The following ATXN1 variants were observed in gnomAD, a reference collection of about 807,000 sequenced individuals.
ATXN1 encodes the protein ataxin 1.
ATXN1 carries 8 observed loss-of-function variants against 56.4 expected under a neutral mutation model. The observed-to-expected ratio is 0.14, with a 90% CI of 0.08 to 0.26. The LOEUF is 0.26. Among genes scored for constraint, ATXN1 ranks in the 10% least tolerant of loss-of-function variants. The pLI, the probability that ATXN1 is intolerant of heterozygous loss-of-function variation, is 1.00. For synonymous variants in ATXN1, 514 were observed against 494.6 expected (o/e 1.04, Z -0.52); for missense variants, 987 against 1,106.5 (o/e 0.89, Z 1.53).
chr6:16,380,792 C>T (rs940897260), intron 6 of ATXN1, among the ~76,000 whole-genome samples: 1 of 152,260 alleles, frequency 6.6e-6, no homozygotes, highest in African/African-American at 2.4e-5. Flanking sequence ...ACTAGACTCA[C>T]CCTGACCCCC....
At chr6:16,727,136 T>A (rs1759868226) in intron 2 of ATXN1, among the ~76,000 whole-genome samples, 1 of 152,308 alleles carries the variant, frequency 6.6e-6, no homozygotes. Flanking sequence ...ACCAAGTCTG[T>A]TTTCTCTTTC....
At chr6:16,574,537 G>T (rs1359161598) in intron 4 of ATXN1, among the ~76,000 whole-genome samples, 1 of 152,140 alleles carries the variant, frequency 6.6e-6, no homozygotes, top group Non-Finnish European at 1.5e-5. Context: ...TAGAGATGGG[G>T]TTTCACCATG....
chr6:16,445,264 G>A (rs1759608789), intron 6 of ATXN1, among the ~76,000 whole-genome samples: 1 of 152,198 alleles, frequency 6.6e-6, no homozygotes, highest in South Asian at 2.1e-4. Flanking sequence ...TGTTGTAGTT[G>A]TGTATGAGAA....
intron 2 of ATXN1, among the ~76,000 whole-genome samples, chr6:16,724,133 T>TA (rs1759799934): frequency 6.6e-6 from 1 of 152,194 alleles, no homozygotes; most frequent in Non-Finnish European, 1.5e-5. Context: ...GGGAAGTACA[T>TA]ACTTCATTGT....
chr6:16,507,742 T>G (rs1178399795), intron 5 of ATXN1, among the ~76,000 whole-genome samples: 2 of 152,302 alleles, frequency 1.3e-5, no homozygotes, highest in Admixed American at 1.3e-4. Context: ...GTTTGGCATG[T>G]TTATATAACA....
At chr6:16,501,287 TG>T (rs1760880821) in intron 5 of ATXN1, among the ~76,000 whole-genome samples, 1 of 152,232 alleles carries the variant, frequency 6.6e-6, no homozygotes, top group Non-Finnish European at 1.5e-5. Context: ...ATAAGGAAAC[TG>T]GAAGAATTCT....
intron 2 of ATXN1, among the ~76,000 whole-genome samples, chr6:16,743,042 C>A (rs1160741199): frequency 6.6e-6 from 1 of 152,152 alleles, no homozygotes; most frequent in Non-Finnish European, 1.5e-5. Context: ...AGAACGTGAA[C>A]CTCAAATTCA....
intron 6 of ATXN1, among the ~76,000 whole-genome samples, chr6:16,342,594 G>C (rs576241036): frequency 6.6e-6 from 1 of 152,248 alleles, no homozygotes; most frequent in South Asian, 2.1e-4. Flanking sequence ...TTGTGCACAC[G>C]AGCCAAAAGG....
chr6:16,528,186 A>T (rs1252516196), intron 4 of ATXN1, among the ~76,000 whole-genome samples: 1 of 152,032 alleles, frequency 6.6e-6, no homozygotes, highest in East Asian at 1.9e-4. Flanking sequence ...CTGTAATCCC[A>T]GCTACTCGGG....
chr6:16,330,390 CT>C (rs60608169), intron 6 of ATXN1, among the ~76,000 whole-genome samples: 2,820 of 119,782 alleles, frequency 0.024, 26 homozygotes, highest in African/African-American at 0.063. Flanking sequence ...TCCTTCCTTC[CT>C]TTTTTTTTTT....
intron 6 of ATXN1, among the ~76,000 whole-genome samples, chr6:16,406,926 G>A (rs572485823): frequency 2.6e-5 from 4 of 152,288 alleles, no homozygotes; most frequent in South Asian, 2.1e-4. Context: ...CCTTTGTTCC[G>A]TGTACTCTTG....
chr6:16,439,377 G>GGGGGA (rs1759464447), intron 6 of ATXN1, among the ~76,000 whole-genome samples: 1 of 35,638 alleles, frequency 2.8e-5, no homozygotes. Context: ...CGGGGGCGGG[G>GGGGGA]CGGGAATAAG....
chr6:16,708,223 T>C (rs1217739452), intron 2 of ATXN1, among the ~76,000 whole-genome samples: 1 of 152,136 alleles, frequency 6.6e-6, no homozygotes, highest in Admixed American at 6.5e-5. Flanking sequence ...GTGAGGGACA[T>C]CCTAGGCTGG....
At chr6:16,749,702 T>C (rs1388138472) in intron 2 of ATXN1, among the ~76,000 whole-genome samples, 1 of 152,148 alleles carries the variant, frequency 6.6e-6, no homozygotes, top group Non-Finnish European at 1.5e-5. Flanking sequence ...TTGAAGCTAC[T>C]CTCCGCTGCC....
At chr6:16,711,630 T>C (rs933825847) in intron 2 of ATXN1, among the ~76,000 whole-genome samples, 7 of 151,946 alleles carry the variant, frequency 4.6e-5, no homozygotes, top group African/African-American at 1.7e-4. Flanking sequence ...ATAGATTGTT[T>C]GTTTTGCGAC....
intron 5 of ATXN1, among the ~76,000 whole-genome samples, chr6:16,497,007 G>C (rs1462030473): frequency 6.6e-6 from 1 of 152,010 alleles, no homozygotes; most frequent in African/African-American, 2.4e-5. Context: ...TCTCTTCACT[G>C]CTTAATTGTT....
At chr6:16,332,280 A>C (rs2113422800) in intron 6 of ATXN1, among the ~76,000 whole-genome samples, 1 of 152,344 alleles carries the variant, frequency 6.6e-6, no homozygotes, top group East Asian at 1.9e-4. Flanking sequence ...TGTATTTTCA[A>C]TGAACCACCA....
In ATXN1 at chr6:16,664,950, A is replaced by C. The variant is rs147272304; in HGVS notation, c.-614-7049T>G. ...GCATACTACATGAAATAACATCTTT[A>C]TGAAAAAATAATTATATTTTTCAGA... On this transcript the variant is annotated intron_variant, in intron 2 of 7. Coordinates refer to ENST00000436367, the MANE Select transcript of ATXN1 (RefSeq NM_001128164.2). Among the ~76,000 whole-genome samples the C allele has an allele frequency of 8.8e-3, 1,341 of 152,278 alleles. 21 individuals carry two copies. Among genetic ancestry groups the C allele is most frequent in the African/African-American group, 0.031 (1,280 of 41,544 alleles).
At chr6:16,630,465 T>C (rs184634705) in intron 3 of ATXN1, among the ~76,000 whole-genome samples, 97 of 152,278 alleles carry the variant, frequency 6.4e-4, no homozygotes, top group African/African-American at 1.6e-3. Flanking sequence ...AGTCACTTAG[T>C]GGGCTGATCA....
Sources: gnomAD v4.1 joint callset for allele counts (sites outside exome capture counted in the v4.1 genomes callset) on GRCh38, gnomAD v4.1.1 for gene constraint, MANE v1.5 for transcripts, NCBI Gene and HGNC (gene_info 2026-07-23, HGNC 2026-07-21) for gene names.